The following CAPN15 variants were observed in gnomAD, a reference collection of about 807,000 sequenced individuals.
CAPN15 encodes the protein calpain 15, also known as calpain-15.
Under a neutral mutation model 97.9 loss-of-function variants are expected in CAPN15, and 53 were observed. The ratio of observed to expected loss-of-function variants is 0.54; its 90% CI spans 0.43 to 0.68. The LOEUF (loss-of-function observed/expected upper bound fraction) is 0.68. Among genes scored for constraint, CAPN15 ranks in the 30% least tolerant of loss-of-function variants. The pLI, the probability that CAPN15 is intolerant of heterozygous loss-of-function variation, is 0.00. For synonymous variants in CAPN15, 922 were observed against 722.5 expected, an observed-to-expected ratio of 1.28 and a Z score of -4.43; for missense variants, 1,592 against 1,589.8, an observed-to-expected ratio of 1.00 and a Z score of -0.02.
rs2034835610 is a variant in CAPN15 at position 549,455 on chromosome 16, GCCT to G, written c.1831_1833del (p.Leu611del). On this transcript the variant is annotated inframe_deletion, in exon 6 of 14. Coordinates refer to ENST00000219611, the MANE Select transcript of CAPN15 (RefSeq NM_005632.3). ...ATGCTGCCCTGTGATGAGGCCGGCT[GCCT>G]CCTCTTCTCACAGGTGGGGCGGCCT... 6.3e-7 allele frequency: 1 copy of G among 1,594,750 alleles called. No homozygotes were observed. Among genetic ancestry groups the G allele is most frequent in the Non-Finnish European group, 8.5e-7 (1 of 1,176,806 alleles).
In CAPN15 at chr16:551,092, C is replaced by T. The variant is rs1475202262; in HGVS notation, c.2067-210C>T. On this transcript the variant is annotated intron_variant, in intron 7 of 13. Coordinates refer to ENST00000219611, the MANE Select transcript of CAPN15 (RefSeq NM_005632.3). ...TGAGGTCCCCGGTCGGTGAGGGCCC[C>T]GGTCGGTGAGGGTCCCCGGTCGGTG... Among the ~76,000 whole-genome samples the T allele has an allele frequency of 4.8e-5, 7 of 144,624 alleles. No homozygotes were observed. The South Asian group carries it at 6.6e-4, about 14-fold the overall frequency. The allele number at this position is 144,624 out of a possible 152,430, so 94.9% of individuals were successfully genotyped here. A position where few individuals can be genotyped will look rare whatever the true frequency, so the allele number is the denominator to read the frequency against.
chr16:553,740 C>T lies in CAPN15; in HGVS notation c.*224C>T. The T allele has an allele frequency of 2.2e-6, 1 of 445,488 alleles. No homozygotes were observed. Among genetic ancestry groups the T allele is most frequent in the Non-Finnish European group, 4.0e-6 (1 of 250,964 alleles). 27.6% of individuals were successfully genotyped at this position (445,488 alleles called of 1,614,324 possible). ...GGCCTCCTGGCCGCCACGCAGAATA[C>T]CTCGAACCAGGCGGGCTGTGAACCA... On this transcript the variant is annotated 3_prime_UTR_variant, in exon 14 of 14. Transcript: ENST00000219611.
At chr16:548,407 G>A (rs1047746578) in intron 4 of CAPN15, 120 bp downstream of exon 4, 5 of 1,039,014 alleles carry the variant, frequency 4.8e-6, no homozygotes, top group African/African-American at 1.7e-5. Flanking sequence ...GACGTGATGG[G>A]GAGGGCAGCA....
At chr16:551,896 C>A in intron 9 of CAPN15, 155 bp from the exon 10 acceptor site, 2 of 986,000 alleles carry the variant, frequency 2.0e-6, no homozygotes, top group Non-Finnish European at 3.1e-6. Context: ...CTATTATAGG[C>A]CTCAGGGATG....
In CAPN15 at chr16:535,418, A is replaced by G. The variant is rs375356763; in HGVS notation, c.-136-611A>G. On this transcript the variant is annotated intron_variant, in intron 2 of 13. Transcript: ENST00000219611. The surrounding 1 kb of genome is among the most constrained non-coding windows in gnomAD (Gnocchi z 6.2). ...TGGCTGGATGCTCCTTGCTGCCCTC[A>G]CGGGGTGTGTGTGTGGCATACAGGA... 4.5e-5 allele frequency: 7 copies of G among 154,296 alleles called. No homozygotes were observed. In the South Asian group the frequency reaches 1.4e-3, roughly 31 times the overall value. The allele number at this position is 154,296 out of a possible 1,614,324, so 9.6% of individuals were successfully genotyped here.
At position 553,752 on chromosome 16, in the gene CAPN15, C is replaced by A. The variant is rs770585968; in HGVS notation, c.*236C>A. 2.4e-6 allele frequency: 1 copy of A among 417,106 alleles called. No homozygotes were observed. Among genetic ancestry groups the A allele is most frequent in the Middle Eastern group, 6.1e-4 (1 of 1,636 alleles). The allele number at this position is 417,106 out of a possible 1,614,324, so 25.8% of individuals were successfully genotyped here. The stretch of plus-strand genomic sequence containing the variant: ...GCCACGCAGAATACCTCGAACCAGG[C>A]GGGCTGTGAACCAGCCCCGCTCACC... On this transcript the variant is annotated 3_prime_UTR_variant, in exon 14 of 14. Transcript: ENST00000219611.
chr16:529,512 G>C (rs1187230160), intron 1 of CAPN15, among the ~76,000 whole-genome samples: 1 of 152,206 alleles, frequency 6.6e-6, no homozygotes, highest in Non-Finnish European at 1.5e-5. Flanking sequence ...TCTCCCTCCT[G>C]CTGGTTCCAC....
At chr16:529,365 C>G (rs1049833181) in intron 1 of CAPN15, among the ~76,000 whole-genome samples, 1 of 152,098 alleles carries the variant, frequency 6.6e-6, no homozygotes, top group East Asian at 1.9e-4. Flanking sequence ...CTGGCTCTCT[C>G]TCCGGGCACC....
rs775369090 is a variant in CAPN15 at position 552,378 on chromosome 16, A to G, written c.2585A>G (p.His862Arg). The change falls in exon 11 of 14, where the codon CAC becomes CGC. Residue 862 changes from histidine (H) to arginine (R), a missense_variant. By Grantham distance (29) the His-to-Arg change is conservative. This residue lies in a region of CAPN15 where 644 missense variants were observed against 699.6 expected (regional missense o/e 0.92). Transcript: ENST00000219611. This position sits in a 1 kb window ranked among gnomAD's most constrained non-coding sequence, Gnocchi z 6.4. ...VFRATFGSGGHLSLGRLLAHS... is the reference protein window; with the variant it reads ...VFRATFGSGGRLSLGRLLAHS... ...CGGGCCACGTTCGGCAGCGGCGGCC[A>G]CCTCAGCCTGGGCCGCCTCCTGGCC... 39 of 1,603,050 alleles carry G rather than the reference A, an allele frequency of 2.4e-5. No homozygotes were observed. The Middle Eastern group carries it at 1.2e-3, about 47-fold the overall frequency.
At chr16:540,003 G>A in intron 3 of CAPN15, 1 of 908,600 alleles carries the variant, frequency 1.1e-6, no homozygotes, top group Non-Finnish European at 1.3e-6. Context: ...ATGCTGGGAA[G>A]TCCTCCCGGG....
At chr16:528,882 G>A (rs116872667) in intron 1 of CAPN15, 5 of 495,658 alleles carry the variant, frequency 1.0e-5, no homozygotes, top group East Asian at 1.5e-4. Context: ...TGAGGGGTGC[G>A]GAAACGTGAG....
In CAPN15 at chr16:552,563, G is replaced by A; in HGVS notation, c.2737+33G>A. The A allele has an allele frequency of 6.4e-7, 1 of 1,569,674 alleles. No individual in the cohort carries two copies. Among genetic ancestry groups the A allele is most frequent in the Non-Finnish European group, 8.6e-7 (1 of 1,161,238 alleles). On this transcript the variant is annotated intron_variant, in intron 11 of 13. Coordinates refer to ENST00000219611, the MANE Select transcript of CAPN15 (RefSeq NM_005632.3). The surrounding 1 kb of genome is among the most constrained non-coding windows in gnomAD (Gnocchi z 6.4). Reference sequence around the variant, plus strand: ...GCCCCTACCCCAGGCTCATGCCCCAGGCCCACGGGGAGGGCTGCGGTTCAC... The same window carrying A: ...GCCCCTACCCCAGGCTCATGCCCCAAGCCCACGGGGAGGGCTGCGGTTCAC...
intron 1 of CAPN15, among the ~76,000 whole-genome samples, chr16:529,642 T>A (rs574512878): frequency 1.2e-3 from 181 of 152,188 alleles, no homozygotes; most frequent in African/African-American, 4.2e-3. Flanking sequence ...GTGGCCGAGT[T>A]GCCCCTGGTC....
intron 3 of CAPN15, among the ~76,000 whole-genome samples, chr16:544,779 GT>G (rs1179087135): frequency 1.5e-5 from 1 of 65,896 alleles, no homozygotes; most frequent in African/African-American, 7.3e-5. Context: ...CCCCCACGTC[GT>G]CTCCCCCACG....
intron 2 of CAPN15, among the ~76,000 whole-genome samples, chr16:534,232 A>C (rs112771893): frequency 2.5e-5 from 1 of 39,996 alleles, no homozygotes; most frequent in Non-Finnish European, 4.2e-5. Context: ...GGGTCCCGAC[A>C]GGGGTGTTTG....
chr16:535,576 AG>A lies in CAPN15; in HGVS notation c.-136-450del, dbSNP rs1773952889. On this transcript the variant is annotated intron_variant, in intron 2 of 13. Coordinates refer to ENST00000219611, the MANE Select transcript of CAPN15 (RefSeq NM_005632.3). The surrounding 1 kb of genome is among the most constrained non-coding windows in gnomAD (Gnocchi z 6.2). ...AAAACTAGGGCATCGGCTCCCAGGG[AG>A]GGCGGGGAGCTGCACAGTTGGACTT... is the stretch of plus-strand genomic sequence containing the variant. Among the ~76,000 whole-genome samples, 1 of 152,094 alleles carries A rather than the reference AG, an allele frequency of 6.6e-6. No homozygotes were observed. The highest frequency in any genetic ancestry group is 2.1e-4 in the South Asian group (1 of 4,824).
At chr16:528,597 C>A in intron 1 of CAPN15, 1 of 299,204 alleles carries the variant, frequency 3.3e-6, no homozygotes, top group Non-Finnish European at 4.9e-6. Context: ...CTGCTGTCCT[C>A]CCGCTGGCTG....
intron 3 of CAPN15, chr16:540,045 A>AT (rs1470042554): frequency 4.1e-6 from 4 of 978,244 alleles, no homozygotes; most frequent in Non-Finnish European, 4.9e-6. Flanking sequence ...TTTCTTCTCT[A>AT]TTTTCTCTCT....
chr16:553,386 C>CT lies in CAPN15; in HGVS notation c.3132dup (p.Ile1045TyrfsTer17). ...CAGCTAGAGGGCAACGCCGGCTTCT[C>CT]TATCACCCACCGCCTGGCACATCGC... On this transcript the variant is annotated frameshift_variant, in exon 14 of 14. Transcript: ENST00000219611. LOFTEE classifies it high-confidence loss of function. The CT allele has an allele frequency of 6.2e-7, 1 of 1,609,914 alleles. No homozygotes were observed. The highest frequency in any genetic ancestry group is 8.5e-7 in the Non-Finnish European group (1 of 1,179,008).
Sources: gnomAD v4.1 joint callset for allele counts (sites outside exome capture counted in the v4.1 genomes callset) on GRCh38, gnomAD v4.1.1 for gene constraint, gnomAD v4.1.1 regional missense constraint, Gnocchi (gnomAD v3.1) non-coding constraint, MANE v1.5 for transcripts, NCBI Gene and HGNC (gene_info 2026-07-23, HGNC 2026-07-21) for gene names.